Variants in FMO2 observed in about 807,000 individuals in gnomAD.
FMO2 encodes flavin-containing monooxygenase 2.
FMO2 carries 33 observed loss-of-function variants against 41.6 expected under a neutral mutation model. That is an observed-to-expected ratio of 0.79 (90% CI 0.60 to 1.06). FMO2 has a LOEUF of 1.06. Among genes scored for constraint, FMO2 ranks in the 50% least tolerant of loss-of-function variants. The probability of loss-of-function intolerance (pLI) is 0.00; values close to 1 mark genes in which losing one functional copy is unlikely to be tolerated. For missense variants in FMO2, 619 were observed against 632.9 expected, an observed-to-expected ratio of 0.98 and a Z score of 0.23; for synonymous variants, 214 against 219.6, an observed-to-expected ratio of 0.97 and a Z score of 0.23.
intron 6 of FMO2, among the ~76,000 whole-genome samples, chr1:171,204,861 G>A (rs937751359): frequency 1.3e-5 from 2 of 152,064 alleles, no homozygotes; most frequent in African/African-American, 4.8e-5. Context: ...TTCAAAACTA[G>A]TGGAAATTTA....
chr1:171,206,747 G>A (rs1658770997), intron 7 of FMO2, among the ~76,000 whole-genome samples: 1 of 152,186 alleles, frequency 6.6e-6, no homozygotes, highest in African/African-American at 2.4e-5. Context: ...CAGTAGTGTG[G>A]AATATAGATT....
At position 171,196,885 on chromosome 1, in the gene FMO2, C is replaced by A. The variant is rs2101993968; in HGVS notation, c.484+74C>A. 5.1e-6 allele frequency: 7 copies of A among 1,377,946 alleles called. No individual in the cohort carries two copies. In the East Asian group the frequency reaches 1.2e-4, roughly 23 times the overall value. 85.4% of individuals were successfully genotyped at this position (1,377,946 alleles called of 1,614,324 possible). A position where few individuals can be genotyped will look rare whatever the true frequency, so the allele number is the denominator to read the frequency against. On this transcript the variant is annotated intron_variant, in intron 4 of 8. Coordinates refer to ENST00000209929, the MANE Select transcript of FMO2 (RefSeq NM_001460.5). The stretch of plus-strand genomic sequence containing the variant: ...TTTATATGTAGTTTGGATTGACAAG[C>A]AGGATTCATTGCTGCAACTGGGCAG...
At chr1:171,196,606 C>T in intron 3 of FMO2, 43 bp from the exon 4 acceptor site, 1 of 1,585,996 alleles carries the variant, frequency 6.3e-7, no homozygotes, top group Non-Finnish European at 8.6e-7. Flanking sequence ...CCAATGTTAT[C>T]CTGGAGTAAT....
At chr1:171,195,150 G>C (rs1658249829) in intron 3 of FMO2, among the ~76,000 whole-genome samples, 1 of 152,142 alleles carries the variant, frequency 6.6e-6, no homozygotes, top group Non-Finnish European at 1.5e-5. Flanking sequence ...TTGTTTCTTG[G>C]AGAGTGAAGA....
intron 3 of FMO2, among the ~76,000 whole-genome samples, chr1:171,194,160 TA>T (rs1658209953): frequency 1.3e-5 from 2 of 152,252 alleles, no homozygotes; most frequent in African/African-American, 4.8e-5. Flanking sequence ...ATACCAAAAT[TA>T]AATTGCTGTT....
Position 171,209,247 on chromosome 1 carries a change from G to A in FMO2, c.*102G>A. ...ACATTACATTCATGTTCTAATTATA[G>A]ATTTTAGAGTTAGGTAGTACAGGTA... On this transcript the variant is annotated 3_prime_UTR_variant, in exon 9 of 9. Transcript: ENST00000209929. 1 of 409,744 alleles carries A rather than the reference G, an allele frequency of 2.4e-6. No homozygotes were observed. Among genetic ancestry groups the A allele is most frequent in the African/African-American group, 2.1e-5 (1 of 48,624 alleles). The allele number at this position is 409,744 out of a possible 1,614,324, so 25.4% of individuals were successfully genotyped here.
intron 2 of FMO2, chr1:171,188,816 A>G (rs1387488831): frequency 6.6e-6 from 1 of 152,228 alleles, no homozygotes; most frequent in African/African-American, 2.4e-5. Flanking sequence ...CCCAACCCAG[A>G]CAATAGAGTT....
chr1:171,203,966 C>T lies in FMO2; in HGVS notation c.729C>T (p.Leu243=), dbSNP rs1436402408. The change falls in exon 6 of 9, where the codon CTC becomes CTT. Residue 243 remains leucine, a synonymous_variant. Coordinates refer to ENST00000209929, the MANE Select transcript of FMO2 (RefSeq NM_001460.5). Reference sequence around the variant, plus strand: ...TCCACACCCGGTTTCGTTCTATGCTCCGCAATGTACTGCCACGAACAGCTG... The same window carrying T: ...TCCACACCCGGTTTCGTTCTATGCTTCGCAATGTACTGCCACGAACAGCTG... ...SVFHTRFRSM[L]RNVLPRTAVK... is the part of the protein sequence containing the mutation. The T allele has an allele frequency of 6.2e-7, 1 of 1,613,590 alleles. No homozygotes were observed. The highest frequency in any genetic ancestry group is 1.3e-5 in the African/African-American group (1 of 74,894).
In FMO2 at chr1:171,208,839, C is replaced by T; in HGVS notation, c.1302C>T (p.Asp434=). The T allele has an allele frequency of 5.6e-6, 9 of 1,613,958 alleles. No homozygotes were observed. The highest frequency in any genetic ancestry group is 7.6e-6 in the Non-Finnish European group (9 of 1,179,846). ...AGACGTTGCAGACCAATTATGTTGA[C>T]TACTTGGACGAGCTCGCCTTAGAGA... ...QSQTLQTNYV[D]YLDELALEIG... The change falls in exon 9 of 9, where the codon GAC becomes GAT. Residue 434 remains aspartate (D), a synonymous_variant. Coordinates refer to ENST00000209929, the MANE Select transcript of FMO2 (RefSeq NM_001460.5).
intron 2 of FMO2, 29 bp from the exon 3 acceptor site, chr1:171,193,306 A>G: frequency 1.9e-6 from 3 of 1,548,678 alleles, no homozygotes; most frequent in Non-Finnish European, 1.8e-6. Flanking sequence ...ATGCGTAATT[A>G]TCACTAATTA....
chr1:171,205,617 T>C lies in FMO2; in HGVS notation c.1166T>C (p.Val389Ala). ...ACTGCTGAACTTCAAGCTCGTTGGG[T>C]GACAAGAGTTTTCAAAGGTAAGTGT... ...FPTAELQARW[V>A]TRVFKGLCSL... The change falls in exon 7 of 9, where the codon GTG becomes GCG. Residue 389 changes from valine to alanine, a missense_variant. By Grantham distance (64) the Val-to-Ala change is moderately conservative (BLOSUM62 0). Transcript: ENST00000209929. 1 of 1,607,098 alleles carries C rather than the reference T, an allele frequency of 6.2e-7. No homozygotes were observed. The highest frequency in any genetic ancestry group is 8.5e-7 in the Non-Finnish European group (1 of 1,176,804).
At chr1:171,189,730 C>T (rs1309646390) in intron 2 of FMO2, among the ~76,000 whole-genome samples, 1 of 141,822 alleles carries the variant, frequency 7.1e-6, no homozygotes, top group Non-Finnish European at 1.5e-5. Flanking sequence ...GCAATCTCAG[C>T]TCACTGCAAC....
intron 3 of FMO2, among the ~76,000 whole-genome samples, chr1:171,195,694 C>T (rs1236786721): frequency 1.3e-5 from 2 of 152,158 alleles, no homozygotes; most frequent in Admixed American, 6.5e-5. Flanking sequence ...ATTCCTCTAG[C>T]ATTATAAACT....
In FMO2 at chr1:171,212,036, G is replaced by T. The variant is rs1399944763; in HGVS notation, c.*2891G>T. On this transcript the variant is annotated 3_prime_UTR_variant, in exon 9 of 9. Transcript: ENST00000209929. ...GACAAATTCCTTCTGTTCAGCCTTG[G>T]TCCTCCAACTGCAGTTTACAATTTT... Among the ~76,000 whole-genome samples the T allele has an allele frequency of 6.6e-6, 1 of 152,106 alleles. No individual in the cohort carries two copies. The highest frequency in any genetic ancestry group is 2.4e-5 in the African/African-American group (1 of 41,430).
intron 5 of FMO2, among the ~76,000 whole-genome samples, chr1:171,201,036 G>T (rs1464403250): frequency 2.6e-5 from 4 of 152,180 alleles, no homozygotes; most frequent in African/African-American, 9.7e-5. Flanking sequence ...CCAGTTCCTT[G>T]TATGGGTCTT....
At chr1:171,208,699 C>T (rs1038072243) in intron 8 of FMO2, 95 bp from the exon 9 acceptor site, 318 of 1,146,074 alleles carry the variant, frequency 2.8e-4, no homozygotes, top group Non-Finnish European at 2.9e-4. Flanking sequence ...CACATATTCA[C>T]TCATTCCTTC....
In FMO2 at chr1:171,211,890, A is replaced by T. The variant is rs1658999204; in HGVS notation, c.*2745A>T. Among the ~76,000 whole-genome samples the T allele has an allele frequency of 6.6e-6, 1 of 152,218 alleles. No individual in the cohort carries two copies. Among genetic ancestry groups the T allele is most frequent in the African/African-American group, 2.4e-5 (1 of 41,448 alleles). On this transcript the variant is annotated 3_prime_UTR_variant, in exon 9 of 9. Coordinates refer to ENST00000209929, the MANE Select transcript of FMO2 (RefSeq NM_001460.5). Reference sequence around the variant, plus strand: ...ATCTCTGCTGAAATCCACAGTTTTCATAAGCTCCCCAGATGATTCCTGTGT... The same window carrying T: ...ATCTCTGCTGAAATCCACAGTTTTCTTAAGCTCCCCAGATGATTCCTGTGT...
intron 2 of FMO2, among the ~76,000 whole-genome samples, chr1:171,187,282 C>A (rs1206422575): frequency 6.6e-6 from 1 of 152,126 alleles, no homozygotes; most frequent in Non-Finnish European, 1.5e-5. Context: ...TAAGAATATT[C>A]CAAATGGGAA....
At position 171,189,677 on chromosome 1, in the gene FMO2, G is replaced by A. The variant is rs966625335; in HGVS notation, c.133-3658G>A. On this transcript the variant is annotated intron_variant, in intron 2 of 8. Coordinates refer to ENST00000209929, the MANE Select transcript of FMO2 (RefSeq NM_001460.5). ...TTCTTTTCTTTTTTTTTTTTTTTTT[G>A]AGATGGAGTCTCGCTCTGTTGCCCA... 7.3e-4 allele frequency among the ~76,000 whole-genome samples: 24 copies of A among 33,056 alleles called. 1 individual carries two copies. The highest frequency in any genetic ancestry group is 0.011 in the Middle Eastern group (1 of 88). 21.7% of individuals were successfully genotyped at this position (33,056 alleles called of 152,430 possible).
Sources: allele counts gnomAD v4.1 joint callset (sites outside exome capture counted in the v4.1 genomes callset), GRCh38; gene constraint gnomAD v4.1.1; transcripts MANE v1.5; gene names NCBI Gene and HGNC (gene_info 2026-07-23, HGNC 2026-07-21).